Variants in SNCAIP observed in about 807,000 individuals in gnomAD.
The protein encoded by SNCAIP is synphilin-1.
SNCAIP carries 43 observed loss-of-function variants against 86.7 expected under a neutral mutation model. The ratio of observed to expected loss-of-function variants is 0.50; its 90% CI spans 0.39 to 0.64. The LOEUF is 0.64. Ranked by LOEUF, SNCAIP falls within the 30% of genes least tolerant of loss-of-function variation. The pLI is 0.00. For synonymous variants in SNCAIP, 417 were observed against 427.2 expected (o/e 0.98, Z 0.29); for missense variants, 981 against 1,103.1 (o/e 0.89, Z 1.57).
At chr5:122,387,437 T>C (rs1768402709) in intron 1 of SNCAIP, among the ~76,000 whole-genome samples, 3 of 152,146 alleles carry the variant, frequency 2.0e-5, no homozygotes, top group Admixed American at 2.0e-4. Flanking sequence ...CAGGTGTGAG[T>C]CACCATGCCC....
chr5:122,351,533 T>C (rs1446949963), intron 1 of SNCAIP, among the ~76,000 whole-genome samples: 2 of 18,136 alleles, frequency 1.1e-4, no homozygotes, highest in Admixed American at 2.1e-3. Flanking sequence ...TGAGACTCTG[T>C]ATCAAAAAAA....
At chr5:122,413,016 T>C (rs1228669098) in intron 3 of SNCAIP, among the ~76,000 whole-genome samples, 1 of 152,190 alleles carries the variant, frequency 6.6e-6, no homozygotes, top group African/African-American at 2.4e-5. Flanking sequence ...GGAGGTGGGA[T>C]CTTTGGAGAA....
intron 4 of SNCAIP, 99 bp downstream of exon 4, chr5:122,423,838 GT>G: frequency 1.8e-6 from 2 of 1,132,220 alleles, no homozygotes; most frequent in Non-Finnish European, 1.3e-6. Flanking sequence ...ATTTGTTTTG[GT>G]TTTTACTTAA....
At chr5:122,336,444 TC>T (rs1756480994) in intron 1 of SNCAIP, among the ~76,000 whole-genome samples, 1 of 152,232 alleles carries the variant, frequency 6.6e-6, no homozygotes, top group Admixed American at 6.5e-5. Context: ...CTTGTTCCTG[TC>T]CTTCATTGTT....
At chr5:122,340,932 A>G (rs918034315) in intron 1 of SNCAIP, among the ~76,000 whole-genome samples, 1 of 152,256 alleles carries the variant, frequency 6.6e-6, no homozygotes, top group Non-Finnish European at 1.5e-5. Context: ...AATTAGCATT[A>G]GTACCTTAAC....
intron 4 of SNCAIP, among the ~76,000 whole-genome samples, chr5:122,424,817 C>T (rs1194650830): frequency 6.6e-6 from 1 of 152,180 alleles, no homozygotes; most frequent in Non-Finnish European, 1.5e-5. Context: ...GAAACCAAAG[C>T]CATGTAGCCT....
intron 1 of SNCAIP, among the ~76,000 whole-genome samples, chr5:122,331,984 A>G (rs1011509150): frequency 2.6e-5 from 4 of 152,252 alleles, no homozygotes; most frequent in Admixed American, 1.3e-4. Flanking sequence ...ACAAGCCTGC[A>G]CTTAATAAAC....
At chr5:122,399,803 G>A (rs528332541) in intron 2 of SNCAIP, among the ~76,000 whole-genome samples, 1 of 152,188 alleles carries the variant, frequency 6.6e-6, no homozygotes, top group Admixed American at 6.5e-5. Flanking sequence ...AATAATATAG[G>A]ACAATGATTC....
At chr5:122,392,921 A>G (rs1031190069) in intron 2 of SNCAIP, among the ~76,000 whole-genome samples, 1 of 152,258 alleles carries the variant, frequency 6.6e-6, no homozygotes, top group African/African-American at 2.4e-5. Flanking sequence ...GCATAAAGTC[A>G]AGATTTTTTT....
At chr5:122,450,226 G>GAT (rs544135437) in intron 9 of SNCAIP, among the ~76,000 whole-genome samples, 174 of 151,538 alleles carry the variant, frequency 1.1e-3, no homozygotes, top group African/African-American at 2.1e-3. Context: ...GGGAATAGGA[G>GAT]ATATATATAT....
intron 1 of SNCAIP, among the ~76,000 whole-genome samples, chr5:122,317,629 T>C (rs1752041675): frequency 6.6e-6 from 1 of 152,084 alleles, no homozygotes; most frequent in African/African-American, 2.4e-5. Flanking sequence ...GGGAGACTAG[T>C]CAGCAAAACT....
At chr5:122,358,795 G>A (rs1026056048) in intron 1 of SNCAIP, among the ~76,000 whole-genome samples, 5 of 152,136 alleles carry the variant, frequency 3.3e-5, no homozygotes, top group Non-Finnish European at 7.3e-5. Flanking sequence ...TGCTGTGTAA[G>A]GATTGTAGCT....
intron 10 of SNCAIP, among the ~76,000 whole-genome samples, chr5:122,460,245 C>T (rs534049132): frequency 2.6e-5 from 4 of 152,038 alleles, no homozygotes; most frequent in East Asian, 1.9e-4. Flanking sequence ...CTTCAGCCTC[C>T]TGAGCAGCTA....
In SNCAIP at chr5:122,391,090, A is replaced by G; in HGVS notation, c.-45A>G. On this transcript the variant is annotated splice_region_variant and 5_prime_UTR_variant, in exon 2 of 11. Transcript: ENST00000261368. The stretch of plus-strand genomic sequence containing the variant: ...CTTTTCTGCTTCTGTCTCGTTCAGG[A>G]ATTTATAAGTATTTGACCGTACTCA... 1 of 1,515,788 alleles carries G rather than the reference A, an allele frequency of 6.6e-7. No homozygotes were observed. Among genetic ancestry groups the G allele is most frequent in the Non-Finnish European group, 9.2e-7 (1 of 1,090,514 alleles). The allele number at this position is 1,515,788 out of a possible 1,614,324, so 93.9% of individuals were successfully genotyped here.
chr5:122,356,253 A>G (rs1267554294), intron 1 of SNCAIP, among the ~76,000 whole-genome samples: 1 of 151,720 alleles, frequency 6.6e-6, no homozygotes, highest in Non-Finnish European at 1.5e-5. Context: ...CAGCCTTCCA[A>G]GTAGCTGGGA....
intron 1 of SNCAIP, among the ~76,000 whole-genome samples, chr5:122,345,386 T>G (rs998703205): frequency 1.2e-4 from 19 of 152,162 alleles, no homozygotes; most frequent in Non-Finnish European, 2.8e-4. Context: ...CTTCCTGGGA[T>G]ATATAAAAAG....
intron 1 of SNCAIP, among the ~76,000 whole-genome samples, chr5:122,380,123 G>GTT (rs1766364652): frequency 6.6e-6 from 1 of 151,748 alleles, no homozygotes; most frequent in Admixed American, 6.6e-5. Context: ...TGGTACCAGC[G>GTT]CCTCCTTGTA....
intron 1 of SNCAIP, among the ~76,000 whole-genome samples, chr5:122,364,935 C>T (rs2152776097): frequency 6.6e-6 from 1 of 152,166 alleles, no homozygotes; most frequent in South Asian, 2.1e-4. Flanking sequence ...CTGCTCAGTG[C>T]CTTTTTCCAG....
At position 122,444,210 on chromosome 5, in the gene SNCAIP, T is replaced by A. The variant is rs1266991927; in HGVS notation, c.1423-353T>A. On this transcript the variant is annotated intron_variant, in intron 7 of 10. Transcript: ENST00000261368. The stretch of plus-strand genomic sequence containing the variant: ...AATGAGAACAGGTAAGATTCCAGTC[T>A]CCCCCTCTTACAGGCATCTCTGACT... 8 of 474,234 alleles carry A rather than the reference T, an allele frequency of 1.7e-5. 1 individual carries two copies. In the Admixed American group the frequency reaches 1.9e-4, roughly 11 times the overall value. The allele number at this position is 474,234 out of a possible 1,614,324, so 29.4% of individuals were successfully genotyped here.
Sources: allele counts gnomAD v4.1 joint callset (sites outside exome capture counted in the v4.1 genomes callset), GRCh38; gene constraint gnomAD v4.1.1; transcripts MANE v1.5; gene names NCBI Gene and HGNC (gene_info 2026-07-23, HGNC 2026-07-21).